Variants in UGT2B10 observed in about 807,000 individuals in gnomAD.
The protein encoded by UGT2B10 is UDP-glucuronosyltransferase 2B10.
A neutral mutation model predicts 43.7 loss-of-function variants in UGT2B10; 51 were observed. The observed-to-expected ratio is 1.17, with a 90% CI of 0.93 to 1.47. The LOEUF (loss-of-function observed/expected upper bound fraction) is 1.47. Among genes scored for constraint, UGT2B10 ranks in the 40% most tolerant of loss-of-function variants. The probability of loss-of-function intolerance (pLI) is 0.00; values close to 1 mark genes in which losing one functional copy is unlikely to be tolerated. For synonymous variants in UGT2B10, 225 were observed against 209.0 expected (o/e 1.08, Z -0.66); for missense variants, 696 against 617.7 (o/e 1.13, Z -1.34).
At chr4:68,825,660 A>C (rs1031414899) in intron 3 of UGT2B10, among the ~76,000 whole-genome samples, 1 of 152,048 alleles carries the variant, frequency 6.6e-6, no homozygotes, top group African/African-American at 2.4e-5. Flanking sequence ...TCCCTGCAAA[A>C]TACATATTTT....
chr4:68,823,439 G>A (rs1291858413), intron 3 of UGT2B10, among the ~76,000 whole-genome samples: 1 of 152,062 alleles, frequency 6.6e-6, no homozygotes, highest in Non-Finnish European at 1.5e-5. Flanking sequence ...CCAAGGAGGC[G>A]GAGGTTGCAA....
At chr4:68,821,959 G>C (rs200403518) in intron 2 of UGT2B10, among the ~76,000 whole-genome samples, 21 of 36,722 alleles carry the variant, frequency 5.7e-4, no homozygotes, top group African/African-American at 8.3e-4. Flanking sequence ...TAAGTGAAGA[G>C]TCTGGGTATA....
At chr4:68,821,894 T>C (rs1310268853) in intron 2 of UGT2B10, among the ~76,000 whole-genome samples, 1 of 140,888 alleles carries the variant, frequency 7.1e-6, no homozygotes, top group Non-Finnish European at 1.6e-5. Flanking sequence ...AAAATATAGA[T>C]TAAACCCTAG....
At chr4:68,817,437 C>T (rs1260997520) in intron 1 of UGT2B10, among the ~76,000 whole-genome samples, 1 of 151,684 alleles carries the variant, frequency 6.6e-6, no homozygotes, top group African/African-American at 2.4e-5. Flanking sequence ...ATCTCTATTT[C>T]AATAATTTCT....
At chr4:68,820,074 A>G (rs892873570) in intron 2 of UGT2B10, among the ~76,000 whole-genome samples, 1 of 152,024 alleles carries the variant, frequency 6.6e-6, no homozygotes, top group African/African-American at 2.4e-5. Flanking sequence ...CCTACTCTTG[A>G]AAGATTTCCC....
At chr4:68,816,766 AGC>A (rs772834799) in intron 1 of UGT2B10, 29 bp downstream of exon 1, 11 of 1,520,194 alleles carry the variant, frequency 7.2e-6, no homozygotes, top group Middle Eastern at 3.5e-4. Flanking sequence ...AGTAACATGA[AGC>A]TCTAACTTAT....
intron 5 of UGT2B10, 26 bp downstream of exon 5, chr4:68,827,574 G>A: frequency 6.2e-7 from 1 of 1,612,566 alleles, no homozygotes; most frequent in Non-Finnish European, 8.5e-7. Flanking sequence ...TTTTTCACTA[G>A]ATGGTATTAA....
chr4:68,816,009 A>T lies in UGT2B10; in HGVS notation c.-11A>T, dbSNP rs1216369870. 6 of 1,612,126 alleles carry T rather than the reference A, an allele frequency of 3.7e-6. No homozygotes were observed. The Admixed American group carries it at 1.0e-4, about 27-fold the overall frequency. On this transcript the variant is annotated 5_prime_UTR_variant, in exon 1 of 6. Coordinates refer to ENST00000265403, the MANE Select transcript of UGT2B10 (RefSeq NM_001075.6). ...ACAGTGACTGGAAAAGAATTATCAC[A>T]TTGCACAAGGATGGCTCTGAAATGG...
At position 68,822,217 on chromosome 4, in the gene UGT2B10, T is replaced by G. The variant is rs565163936; in HGVS notation, c.868-54T>G. The G allele has an allele frequency of 1.6e-5, 25 of 1,591,472 alleles. No individual in the cohort carries two copies. In the African/African-American group the frequency reaches 3.4e-4, roughly 22 times the overall value. On this transcript the variant is annotated intron_variant, in intron 2 of 5. Transcript: ENST00000265403. ...TATTTTGTACCAATTCTTTCGGTAG[T>G]GCCTGCTGTGGTGATACTCTTTTAT...
chr4:68,825,877 A>G (rs1737747521), intron 3 of UGT2B10, among the ~76,000 whole-genome samples: 1 of 152,058 alleles, frequency 6.6e-6, no homozygotes. Context: ...GCTGGGTTTC[A>G]TGGTATTTTT....
intron 2 of UGT2B10, 25 bp from the exon 3 acceptor site, chr4:68,822,246 G>T (rs861340): frequency 6.2e-7 from 1 of 1,607,588 alleles, no homozygotes; most frequent in Non-Finnish European, 8.5e-7. Context: ...CTTTTATGAT[G>T]AAACATTTTT....
intron 5 of UGT2B10, among the ~76,000 whole-genome samples, chr4:68,828,237 G>T (rs1737899942): frequency 1.3e-5 from 2 of 151,894 alleles, no homozygotes; most frequent in Non-Finnish European, 2.9e-5. Flanking sequence ...AGGGTACTGT[G>T]TAAATGACAT....
chr4:68,827,244 G>T (rs1299513255), intron 4 of UGT2B10, 85 bp from the exon 5 acceptor site: 7 of 1,599,850 alleles, frequency 4.4e-6, no homozygotes, highest in Non-Finnish European at 5.1e-6. Flanking sequence ...GTGTTATCTA[G>T]AAAACACTGT....
Position 68,824,161 on chromosome 4 carries a change from T to A in UGT2B10, c.999+1759T>A, listed in dbSNP as rs146301603. ...ACATTTTGGCATAGGCCTATCTGAA[T>A]GATGTTCAGGCTACTATTCAGAGAA... is the stretch of plus-strand genomic sequence containing the variant. On this transcript the variant is annotated intron_variant, in intron 3 of 5. Transcript: ENST00000265403. 9.1e-3 allele frequency among the ~76,000 whole-genome samples: 1,388 copies of A among 152,370 alleles called. 13 individuals are homozygous for A. Among genetic ancestry groups the A allele is most frequent in the Non-Finnish European group, 0.015 (1,042 of 68,030 alleles).
intron 4 of UGT2B10, among the ~76,000 whole-genome samples, 178 bp from the exon 5 acceptor site, chr4:68,827,151 C>G (rs1255317953): frequency 6.6e-6 from 1 of 152,054 alleles, no homozygotes. Context: ...AGTCACACCA[C>G]CATATAGCCT....
intron 5 of UGT2B10, 144 bp downstream of exon 5, chr4:68,827,692 T>C (rs1037515124): frequency 2.2e-6 from 3 of 1,372,268 alleles, no homozygotes; most frequent in Non-Finnish European, 2.9e-6. Flanking sequence ...GCTTTTACTT[T>C]TTATCTGTTA....
rs572244275 is a variant in UGT2B10, at chr4:68,827,267, C to A, written c.1088-62C>A. ...TAGAAAACACTGTCACTTTCAGAGC[C>A]TTTCATTGTGCATCTCATTTTATTC... On this transcript the variant is annotated intron_variant, in intron 4 of 5. Transcript: ENST00000265403. The A allele has an allele frequency of 6.3e-5, 101 of 1,609,764 alleles. No homozygotes were observed. The East Asian group carries it at 1.4e-3, about 22-fold the overall frequency.
At chr4:68,817,414 T>C (rs1170255396) in intron 1 of UGT2B10, among the ~76,000 whole-genome samples, 1 of 151,794 alleles carries the variant, frequency 6.6e-6, no homozygotes, top group Non-Finnish European at 1.5e-5. Context: ...AGACTGATTA[T>C]GGTCGAGTAC....
chr4:68,821,933 A>G (rs1256683302), intron 2 of UGT2B10, among the ~76,000 whole-genome samples: 1 of 143,564 alleles, frequency 7.0e-6, no homozygotes, highest in Non-Finnish European at 1.6e-5. Flanking sequence ...GACTTATAGT[A>G]GCAATTATAG....
Sources: allele counts gnomAD v4.1 joint callset (sites outside exome capture counted in the v4.1 genomes callset), GRCh38; gene constraint gnomAD v4.1.1; transcripts MANE v1.5; gene names NCBI Gene and HGNC (gene_info 2026-07-23, HGNC 2026-07-21).